The following REDIC1 variants were observed in gnomAD, a reference collection of about 807,000 sequenced individuals.
The protein encoded by REDIC1 is HEI10 Interacting Protein 1.
chr12:39,742,159 C>T, the REDIC1 span, among the ~76,000 whole-genome samples: 1 of 151,938 alleles, frequency 6.6e-6, no homozygotes, highest in Admixed American at 6.6e-5. Flanking sequence ...AGGGGGTCCA[C>T]TCGGTCAGTG....
At chr12:39,765,622 A>G in the REDIC1 span, among the ~76,000 whole-genome samples, 2 of 152,084 alleles carry the variant, frequency 1.3e-5, no homozygotes, top group East Asian at 1.9e-4. Context: ...TTATGAACTC[A>G]TCATAACATT....
the REDIC1 span, among the ~76,000 whole-genome samples, chr12:39,670,449 C>T: frequency 6.6e-6 from 1 of 152,270 alleles, no homozygotes; most frequent in East Asian, 1.9e-4. Flanking sequence ...CTTTGGCCTC[C>T]CAAAGTACTG....
At chr12:39,870,483 A>C in the REDIC1 span, among the ~76,000 whole-genome samples, 1 of 152,174 alleles carries the variant, frequency 6.6e-6, no homozygotes, top group Non-Finnish European at 1.5e-5. Flanking sequence ...ATTAAGTAAA[A>C]ATCTGTGTCC....
chr12:39,707,265 A>G, the REDIC1 span, among the ~76,000 whole-genome samples: 1 of 152,004 alleles, frequency 6.6e-6, no homozygotes, highest in Non-Finnish European at 1.5e-5. Flanking sequence ...AGGATGCTCA[A>G]CATCACTGAT....
At chr12:39,773,109 A>G in the REDIC1 span, among the ~76,000 whole-genome samples, 1 of 152,232 alleles carries the variant, frequency 6.6e-6, no homozygotes, top group Admixed American at 6.5e-5. Context: ...CCCGAAAAGG[A>G]ACAAAAATAC....
At chr12:39,691,306 T>C in the REDIC1 span, among the ~76,000 whole-genome samples, 1 of 152,202 alleles carries the variant, frequency 6.6e-6, no homozygotes, top group African/African-American at 2.4e-5. Context: ...AGACAATTTC[T>C]CCTTTATTTT....
chr12:39,766,219 A>G, the REDIC1 span, among the ~76,000 whole-genome samples: 1 of 152,046 alleles, frequency 6.6e-6, no homozygotes, highest in Admixed American at 6.6e-5. Context: ...TGCTCAGCTT[A>G]GACCACGCCA....
chr12:39,897,084 T>C, the REDIC1 span, among the ~76,000 whole-genome samples: 2 of 152,198 alleles, frequency 1.3e-5, no homozygotes, highest in Non-Finnish European at 2.9e-5. Flanking sequence ...TTGATGGTTA[T>C]TTCTAGTTGA....
the REDIC1 span, among the ~76,000 whole-genome samples, chr12:39,712,096 A>C: frequency 2.7e-3 from 336 of 123,966 alleles, 1 homozygote; most frequent in African/African-American, 8.7e-3. Flanking sequence ...ATACATACAT[A>C]TATACCTGTA....
chr12:39,767,243 A>C, the REDIC1 span, among the ~76,000 whole-genome samples: 1 of 151,916 alleles, frequency 6.6e-6, no homozygotes, highest in Non-Finnish European at 1.5e-5. Context: ...GTACATCTCC[A>C]TCAGAGCCCT....
At chr12:39,665,750 G>A in the REDIC1 span, among the ~76,000 whole-genome samples, 9 of 151,432 alleles carry the variant, frequency 5.9e-5, no homozygotes, top group African/African-American at 2.2e-4. Context: ...TTATTTCATT[G>A]AGCAGTGGTT....
chr12:39,629,528 A>C, the REDIC1 span, among the ~76,000 whole-genome samples: 14 of 152,352 alleles, frequency 9.2e-5, no homozygotes, highest in African/African-American at 3.4e-4. Flanking sequence ...TTTCTTATAT[A>C]AACCAAACTG....
At chr12:39,886,222 T>A in the REDIC1 span, among the ~76,000 whole-genome samples, 1 of 151,920 alleles carries the variant, frequency 6.6e-6, no homozygotes, top group Non-Finnish European at 1.5e-5. Flanking sequence ...CAAAGAGAGG[T>A]CTGACACACA....
At chr12:39,841,452 G>C in the REDIC1 span, among the ~76,000 whole-genome samples, 1 of 151,854 alleles carries the variant, frequency 6.6e-6, no homozygotes, top group Non-Finnish European at 1.5e-5. Flanking sequence ...CTCCAGTGGG[G>C]GTTAAGTGTT....
the REDIC1 span, among the ~76,000 whole-genome samples, chr12:39,800,338 C>A: frequency 2.0e-5 from 3 of 152,080 alleles, no homozygotes; most frequent in Admixed American, 6.6e-5. Context: ...GAATTCGCAA[C>A]CTACTCATCT....
the REDIC1 span, among the ~76,000 whole-genome samples, chr12:39,671,305 C>T: frequency 1.3e-5 from 2 of 152,300 alleles, no homozygotes; most frequent in South Asian, 4.1e-4. Flanking sequence ...ACTGTACACA[C>T]CGTCAGTGGT....
chr12:39,796,857 A>G, the REDIC1 span, among the ~76,000 whole-genome samples: 2 of 152,134 alleles, frequency 1.3e-5, no homozygotes, highest in African/African-American at 4.8e-5. Flanking sequence ...ACATTTATGC[A>G]CCTTTGACTT....
chr12:39,712,153 C>CATGTATATGTACACGTATATATACCTGT, the REDIC1 span, among the ~76,000 whole-genome samples: 111 of 95,088 alleles, frequency 1.2e-3, 1 homozygote, highest in Non-Finnish European at 1.9e-3. Context: ...TACATCTATA[C>CATGTATATGTACACGTATATATACCTGT]ATGTATATGT....
chr12:39,653,558 T>TTCTTTC, the REDIC1 span, among the ~76,000 whole-genome samples: 1 of 43,844 alleles, frequency 2.3e-5, no homozygotes, highest in African/African-American at 6.9e-5. Context: ...CTTCTTCTTC[T>TTCTTTC]TTCTTCTTCT....
Sources: allele counts gnomAD v4.1 joint callset (sites outside exome capture counted in the v4.1 genomes callset), GRCh38; gene constraint gnomAD v4.1.1; transcripts MANE v1.5; gene names NCBI Gene and HGNC (gene_info 2026-07-23, HGNC 2026-07-21).